The following CHLSN variants were observed in gnomAD, a reference collection of about 807,000 sequenced individuals.
CHLSN encodes protein cholesin.
chr7:1,136,163 AATATGT>A, the CHLSN span, among the ~76,000 whole-genome samples: 10 of 100,218 alleles, frequency 1.0e-4, no homozygotes, highest in East Asian at 3.1e-4. Context: ...TATATACATA[AATATGT>A]ATAAATATAC....
At chr7:1,058,835 G>A in the CHLSN span, 1 of 362,864 alleles carries the variant, frequency 2.8e-6, no homozygotes, top group Non-Finnish European at 5.2e-6. Context: ...AAAGCTTAGA[G>A]CCAGTATTTA....
the CHLSN span, among the ~76,000 whole-genome samples, chr7:1,118,594 G>A: frequency 1.3e-5 from 2 of 152,052 alleles, no homozygotes; most frequent in Non-Finnish European, 2.9e-5. Context: ...AAATGTTCGT[G>A]GAGTAGAAAA....
the CHLSN span, among the ~76,000 whole-genome samples, chr7:1,111,907 A>G: frequency 6.6e-6 from 1 of 152,114 alleles, no homozygotes; most frequent in Non-Finnish European, 1.5e-5. Flanking sequence ...TCCTCAGCAC[A>G]CGCGGCTGCT....
chr7:1,034,770 C>T, the CHLSN span, among the ~76,000 whole-genome samples: 1 of 147,418 alleles, frequency 6.8e-6, no homozygotes, highest in South Asian at 2.2e-4. Context: ...CTCCCACCCT[C>T]CACCCTCCTT....
the CHLSN span, among the ~76,000 whole-genome samples, chr7:1,027,447 G>C: frequency 1.3e-5 from 2 of 152,228 alleles, no homozygotes; most frequent in Admixed American, 6.5e-5. Context: ...GGACCAGCAC[G>C]GGGCCGCCAC....
the CHLSN span, among the ~76,000 whole-genome samples, chr7:1,086,395 G>A: frequency 3.3e-5 from 5 of 152,166 alleles, no homozygotes; most frequent in Non-Finnish European, 7.3e-5. Context: ...AAATGTCTAA[G>A]AGCAAATCAG....
chr7:1,057,946 C>T, the CHLSN span: 14 of 773,206 alleles, frequency 1.8e-5, no homozygotes, highest in African/African-American at 1.7e-4. Flanking sequence ...GTGTACAACA[C>T]GCGGCACGTG....
chr7:1,070,662 C>T, the CHLSN span, among the ~76,000 whole-genome samples: 1 of 150,194 alleles, frequency 6.7e-6, no homozygotes, highest in African/African-American at 2.5e-5. Context: ...CACACATGCA[C>T]GCACATACGC....
the CHLSN span, chr7:1,028,607 G>A: frequency 2.0e-6 from 2 of 981,714 alleles, no homozygotes; most frequent in African/African-American, 1.8e-5. Flanking sequence ...ACCCCCGCCC[G>A]CGCAGGGCCC....
the CHLSN span, among the ~76,000 whole-genome samples, chr7:1,023,358 CAG>C: frequency 6.6e-6 from 1 of 152,182 alleles, no homozygotes; most frequent in Admixed American, 6.5e-5. The surrounding 1 kb of genome is among the most constrained non-coding windows in gnomAD (Gnocchi z 5.0). Context: ...GGAAGACGCA[CAG>C]GGGCTCATTC....
At chr7:1,103,050 C>G in the CHLSN span, among the ~76,000 whole-genome samples, 2 of 152,238 alleles carry the variant, frequency 1.3e-5, no homozygotes, top group Admixed American at 1.3e-4. Flanking sequence ...TGTCTGAGAG[C>G]AGACCTCTGC....
the CHLSN span, chr7:1,056,396 T>G: frequency 6.6e-6 from 1 of 152,446 alleles, no homozygotes; most frequent in Non-Finnish European, 1.5e-5. Context: ...CTGGGCGGCA[T>G]TCACCAGGAT....
the CHLSN span, among the ~76,000 whole-genome samples, chr7:1,037,356 C>T: frequency 7.4e-6 from 1 of 135,634 alleles, no homozygotes; most frequent in Non-Finnish European, 1.7e-5. Context: ...ACCTCCCTGC[C>T]TGATTCTCCT....
At chr7:1,017,745 G>A in the CHLSN span, among the ~76,000 whole-genome samples, 4 of 152,170 alleles carry the variant, frequency 2.6e-5, no homozygotes, top group South Asian at 6.2e-4. Context: ...AGGGGCAGCC[G>A]CGGACGGCGG....
the CHLSN span, among the ~76,000 whole-genome samples, chr7:1,136,209 AAT>A: frequency 1.1e-4 from 13 of 116,708 alleles, no homozygotes; most frequent in African/African-American, 3.5e-4. Context: ...CAAATATATA[AAT>A]ATATATAAAC....
chr7:1,068,321 C>A, the CHLSN span, among the ~76,000 whole-genome samples: 1 of 152,242 alleles, frequency 6.6e-6, no homozygotes, highest in South Asian at 2.1e-4. Flanking sequence ...TTGGACAAAC[C>A]ACCCCTCAGA....
the CHLSN span, chr7:983,162 G>C: frequency 4.3e-6 from 6 of 1,405,674 alleles, no homozygotes; most frequent in South Asian, 1.5e-5. Context: ...ATAAGGGTGC[G>C]GGGGGGACGG....
the CHLSN span, among the ~76,000 whole-genome samples, chr7:1,022,014 C>T: frequency 3.3e-5 from 5 of 152,206 alleles, no homozygotes; most frequent in Admixed American, 6.5e-5. Context: ...ACAGCGATGA[C>T]GGCCCACAGG....
chr7:987,687 G>A, the CHLSN span, among the ~76,000 whole-genome samples: 2 of 152,182 alleles, frequency 1.3e-5, no homozygotes, highest in Non-Finnish European at 2.9e-5. Flanking sequence ...GAGCAGGAGG[G>A]AGGCAGCCCT....
Sources: allele counts gnomAD v4.1 joint callset (sites outside exome capture counted in the v4.1 genomes callset), GRCh38; gene constraint gnomAD v4.1.1; non-coding constraint Gnocchi (gnomAD v3.1); transcripts MANE v1.5; gene names NCBI Gene and HGNC (gene_info 2026-07-23, HGNC 2026-07-21).